Variants in HPSE2 observed in about 807,000 individuals in gnomAD.
HPSE2 encodes inactive heparanase-2.
HPSE2 carries 38 observed loss-of-function variants against 60.5 expected under a neutral mutation model. That is an observed-to-expected ratio of 0.63 (90% CI 0.48 to 0.82). The LOEUF is 0.82. Ranked by LOEUF, HPSE2 falls within the 40% of genes least tolerant of loss-of-function variation. The pLI is 0.00. For synonymous variants in HPSE2, 295 were observed against 293.2 expected (o/e 1.01, Z -0.06); for missense variants, 713 against 740.4 (o/e 0.96, Z 0.43).
chr10:98,614,319 G>C (rs1023544077), intron 9 of HPSE2, among the ~76,000 whole-genome samples: 4 of 147,770 alleles, frequency 2.7e-5, no homozygotes, highest in African/African-American at 9.9e-5. Context: ...TTGAGACGGA[G>C]TCTCGCTCAG....
At chr10:98,933,606 C>T (rs1339915331) in intron 3 of HPSE2, among the ~76,000 whole-genome samples, 1 of 143,870 alleles carries the variant, frequency 7.0e-6, no homozygotes, top group Non-Finnish European at 1.5e-5. Context: ...TAATAGGTCT[C>T]TAAGAACTTG....
the HPSE2 span, among the ~76,000 whole-genome samples, chr10:99,246,400 T>C: frequency 6.6e-6 from 1 of 152,184 alleles, no homozygotes; most frequent in Non-Finnish European, 1.5e-5. Context: ...ATAAGTGCTA[T>C]AATAAAAATG....
intron 9 of HPSE2, among the ~76,000 whole-genome samples, chr10:98,610,116 C>T (rs1233927454): frequency 2.0e-5 from 3 of 152,292 alleles, no homozygotes; most frequent in Admixed American, 2.0e-4. Context: ...GCTGGGATTA[C>T]AGGCGTGAGC....
the HPSE2 span, among the ~76,000 whole-genome samples, chr10:99,299,659 G>A: frequency 2.0e-5 from 3 of 152,096 alleles, no homozygotes; most frequent in African/African-American, 7.2e-5. Context: ...GACCCTCAGT[G>A]GGATTACCAG....
intron 3 of HPSE2, among the ~76,000 whole-genome samples, chr10:98,906,346 A>G (rs1346010738): frequency 6.6e-6 from 1 of 152,200 alleles, no homozygotes; most frequent in Non-Finnish European, 1.5e-5. Context: ...TTCATTGTGA[A>G]GAAACCATGA....
At chr10:98,642,668 A>T (rs1407422390) in intron 6 of HPSE2, among the ~76,000 whole-genome samples, 1 of 152,244 alleles carries the variant, frequency 6.6e-6, no homozygotes, top group African/African-American at 2.4e-5. Context: ...TGACCAAAAC[A>T]GGCCCATCCA....
At chr10:99,226,513 T>C (rs141661094) in intron 2 of HPSE2, among the ~76,000 whole-genome samples, 1 of 152,144 alleles carries the variant, frequency 6.6e-6, no homozygotes, top group East Asian at 1.9e-4. Flanking sequence ...GAAAGAATAT[T>C]ACATGGTGAA....
At chr10:98,678,098 G>C (rs921883850) in intron 6 of HPSE2, among the ~76,000 whole-genome samples, 15 of 152,126 alleles carry the variant, frequency 9.9e-5, no homozygotes, top group Non-Finnish European at 2.1e-4. Flanking sequence ...GAAGAATGAT[G>C]AATGTAAGTG....
intron 3 of HPSE2, among the ~76,000 whole-genome samples, chr10:98,910,374 GA>G: frequency 6.6e-6 from 1 of 152,186 alleles, no homozygotes; most frequent in Non-Finnish European, 1.5e-5. Flanking sequence ...AGGGAATAAA[GA>G]AGCCAGTGCT....
intron 3 of HPSE2, among the ~76,000 whole-genome samples, chr10:98,756,016 A>G (rs1376350987): frequency 1.3e-5 from 2 of 152,130 alleles, no homozygotes; most frequent in Non-Finnish European, 2.9e-5. Context: ...AAACAAACAA[A>G]AAAGATCTCT....
intron 9 of HPSE2, among the ~76,000 whole-genome samples, chr10:98,561,512 T>G (rs1944182433): frequency 6.6e-6 from 1 of 152,116 alleles, no homozygotes; most frequent in South Asian, 2.1e-4. Flanking sequence ...GTTTATAAAG[T>G]AAAACAGTTA....
At chr10:98,941,084 A>T (rs1385404727) in intron 3 of HPSE2, among the ~76,000 whole-genome samples, 1 of 142,056 alleles carries the variant, frequency 7.0e-6, no homozygotes, top group Non-Finnish European at 1.5e-5. Flanking sequence ...GACGTATCTC[A>T]AAAGAATAAG....
intron 3 of HPSE2, among the ~76,000 whole-genome samples, chr10:99,051,481 C>T (rs1957990108): frequency 6.6e-6 from 1 of 152,082 alleles, no homozygotes; most frequent in Non-Finnish European, 1.5e-5. Flanking sequence ...ACACAGAGTT[C>T]AGGGCAGGCA....
chr10:99,244,079 G>A, the HPSE2 span, among the ~76,000 whole-genome samples: 5 of 152,010 alleles, frequency 3.3e-5, no homozygotes, highest in African/African-American at 4.8e-5. Context: ...ACAGAGTCTC[G>A]CTCTGTCACC....
intron 1 of HPSE2, among the ~76,000 whole-genome samples, chr10:99,233,054 A>G (rs185557818): frequency 2.0e-4 from 31 of 152,386 alleles, no homozygotes; most frequent in Admixed American, 1.6e-3. Flanking sequence ...CCTGAGCTTA[A>G]GTGGATTCCT....
chr10:98,686,134 T>C (rs1019609830), intron 6 of HPSE2, among the ~76,000 whole-genome samples: 2 of 152,182 alleles, frequency 1.3e-5, no homozygotes, highest in African/African-American at 2.4e-5. Flanking sequence ...CTACCACTTG[T>C]CTAACTTCTG....
chr10:98,841,383 A>T (rs1951909570), intron 3 of HPSE2, among the ~76,000 whole-genome samples: 1 of 152,218 alleles, frequency 6.6e-6, no homozygotes, highest in Non-Finnish European at 1.5e-5. Context: ...GTCCTTTAGG[A>T]TTCCTTTGGT....
At chr10:98,513,382 T>C (rs1942487152) in intron 9 of HPSE2, among the ~76,000 whole-genome samples, 1 of 152,130 alleles carries the variant, frequency 6.6e-6, no homozygotes, top group Non-Finnish European at 1.5e-5. Flanking sequence ...GTGAGAAACA[T>C]TTAACCCAAT....
At chr10:99,066,437 G>T (rs954640660) in intron 3 of HPSE2, among the ~76,000 whole-genome samples, 8 of 152,174 alleles carry the variant, frequency 5.3e-5, no homozygotes, top group African/African-American at 1.9e-4. Flanking sequence ...GTATTAGTCT[G>T]TTCTCATGAT....
Sources: allele counts gnomAD v4.1 joint callset (sites outside exome capture counted in the v4.1 genomes callset), GRCh38; gene constraint gnomAD v4.1.1; transcripts MANE v1.5; gene names NCBI Gene and HGNC (gene_info 2026-07-23, HGNC 2026-07-21).